RAB40A: variants seen among roughly 807,000 people sequenced by gnomAD.
RAB40A encodes RAB40A, member RAS oncogene family, also known as ras-related protein Rab-40A.
For synonymous variants in RAB40A, 65 were observed against 99.9 expected (o/e 0.65, Z 2.08); for missense variants, 145 against 230.2 (o/e 0.63, Z 2.40).
intron 2 of RAB40A, among the ~76,000 whole-genome samples, chrX:103,508,789 G>C (rs957573891): frequency 8.9e-6 from 1 of 111,960 alleles, no homozygotes; most frequent in Non-Finnish European, 1.9e-5. Flanking sequence ...AACTCACCTG[G>C]TGAGCTCCAT....
intron 2 of RAB40A, chrX:103,501,812 A>C (rs946977371): frequency 4.0e-5 from 5 of 123,650 alleles, no homozygotes; most frequent in Non-Finnish European, 7.5e-5. Context: ...AAAACCGAAA[A>C]AGAATTTTTT....
chrX:103,511,551 C>T, intron 2 of RAB40A, among the ~76,000 whole-genome samples: 1 of 109,465 alleles, frequency 9.1e-6, no homozygotes, highest in South Asian at 4.0e-4. Flanking sequence ...TTTGCAGGGA[C>T]ATGGATGAAG....
chrX:103,493,748 TG>T, the RAB40A span, among the ~76,000 whole-genome samples: 1 of 112,324 alleles, frequency 8.9e-6, no homozygotes, highest in Non-Finnish European at 1.9e-5. Context: ...TCCATGTTTT[TG>T]CAAATGACTG....
intron 2 of RAB40A, among the ~76,000 whole-genome samples, chrX:103,510,379 A>T (rs2073282852): frequency 8.9e-6 from 1 of 112,246 alleles, no homozygotes; most frequent in Non-Finnish European, 1.9e-5. Context: ...CACTCAGATC[A>T]TAACATATTT....
intron 2 of RAB40A, chrX:103,501,859 G>T (rs141359465): frequency 2.5e-5 from 3 of 120,362 alleles, no homozygotes; most frequent in African/African-American, 1.1e-4. Flanking sequence ...AAAGAAAAAG[G>T]CTCTGTGTGT....
chrX:103,513,935 G>T (rs2147593034), intron 2 of RAB40A, among the ~76,000 whole-genome samples: 1 of 111,049 alleles, frequency 9.0e-6, no homozygotes, highest in Admixed American at 9.6e-5. Flanking sequence ...TTGCAACATT[G>T]TTTTGGGCTG....
chrX:103,516,015 T>C (rs772932992), intron 2 of RAB40A, among the ~76,000 whole-genome samples: 7 of 112,025 alleles, frequency 6.2e-5, no homozygotes, highest in Non-Finnish European at 1.1e-4. Context: ...AGGGAAGCTC[T>C]CATATGGAAT....
intron 2 of RAB40A, among the ~76,000 whole-genome samples, chrX:103,505,826 T>G (rs1400399210): frequency 8.9e-6 from 1 of 111,935 alleles, no homozygotes; most frequent in Admixed American, 9.5e-5. Flanking sequence ...CTAGTGATTA[T>G]TTGCCACCCC....
At chrX:103,510,236 C>A (rs1224256927) in intron 2 of RAB40A, among the ~76,000 whole-genome samples, 2 of 112,162 alleles carry the variant, frequency 1.8e-5, no homozygotes, top group African/African-American at 3.2e-5. Flanking sequence ...TTGTCCCACT[C>A]CCTAACTGTG....
intron 1 of RAB40A, among the ~76,000 whole-genome samples, chrX:103,517,850 C>A (rs2073323924): frequency 9.0e-6 from 1 of 111,693 alleles, no homozygotes; most frequent in Admixed American, 9.6e-5. Flanking sequence ...GATTTCAATG[C>A]CGGTATAACA....
At position 103,499,888 on chromosome X, in the gene RAB40A, G is replaced by A; in HGVS notation, c.*35C>T. On this transcript the variant is annotated 3_prime_UTR_variant, in exon 3 of 3. Coordinates refer to ENST00000304236, the MANE Select transcript of RAB40A (RefSeq NM_080879.3). Reference sequence around the variant, plus strand: ...CCAGGTGTAACCAGAGTTTTTCCTGGAGCGATTCCAGCTTGTTTCCTTTTG... The same window carrying A: ...CCAGGTGTAACCAGAGTTTTTCCTGAAGCGATTCCAGCTTGTTTCCTTTTG... The A allele has an allele frequency of 8.3e-7, 1 of 1,199,356 alleles. No homozygotes were observed. The highest frequency in any genetic ancestry group is 3.0e-5 in the East Asian group (1 of 33,771).
intron 1 of RAB40A, among the ~76,000 whole-genome samples, chrX:103,518,628 T>C (rs1388367547): frequency 2.7e-5 from 3 of 111,755 alleles, no homozygotes; most frequent in Non-Finnish European, 5.6e-5. Flanking sequence ...TAATGACTAC[T>C]ATGGATTAAA....
At chrX:103,514,386 G>A (rs866159773) in intron 2 of RAB40A, among the ~76,000 whole-genome samples, 16 of 111,785 alleles carry the variant, frequency 1.4e-4, no homozygotes, top group African/African-American at 5.2e-4. Flanking sequence ...GTCTTACTCT[G>A]TCACCGAGGC....
chrX:103,500,305 G>T lies in RAB40A; in HGVS notation c.452C>A (p.Thr151Asn), dbSNP rs2073216717. Reference sequence around the variant, plus strand: ...GCACAGAGGGCTGACCTCAAAGAAGGTCACACCCAGGCGCTCGGCGTAGGC... The same window carrying T: ...GCACAGAGGGCTGACCTCAAAGAAGTTCACACCCAGGCGCTCGGCGTAGGC... ...AQAYAERLGV[T>N]FFEVSPLCNF... Residue 151 changes from threonine (T) to asparagine (N), a missense_variant, in exon 3 of 3, where the codon ACC becomes AAC. By Grantham distance (65) the Thr-to-Asn change is moderately conservative (BLOSUM62 0). Coordinates refer to ENST00000304236, the MANE Select transcript of RAB40A (RefSeq NM_080879.3). The T allele has an allele frequency of 8.3e-7, 1 of 1,210,468 alleles. No homozygotes were observed. The highest frequency in any genetic ancestry group is 1.7e-5 in the African/African-American group (1 of 57,358).
At chrX:103,495,746 C>T (rs1667194125), downstream of RAB40A, among the ~76,000 whole-genome samples, 2 of 111,894 alleles carry the variant, frequency 1.8e-5, no homozygotes. Flanking sequence ...GTTGTTTCCA[C>T]TCTTTGGCTA....
chrX:103,497,086 A>G (rs1300523259), downstream of RAB40A, among the ~76,000 whole-genome samples: 3 of 111,591 alleles, frequency 2.7e-5, no homozygotes, highest in African/African-American at 9.8e-5. Flanking sequence ...TTTGGTTGCA[A>G]TGGGAGAATA....
rs771522911 is a variant in RAB40A at position 103,511,703 on chromosome X, G to A, written c.-71+5671C>T. ...CACACACCGGGGCCTGTTAGGGGGT[G>A]GGGGCTAGGGGAGGGATAGCATTAG... On this transcript the variant is annotated intron_variant, in intron 2 of 2. Transcript: ENST00000304236. 9.1e-5 allele frequency among the ~76,000 whole-genome samples: 10 copies of A among 110,062 alleles called. No homozygotes were observed. In the East Asian group the frequency reaches 2.3e-3, roughly 25 times the overall value.
chrX:103,500,867 G>A (rs899295104), intron 2 of RAB40A, 41 bp from the exon 3 acceptor site: 1 of 1,102,675 alleles, frequency 9.1e-7, no homozygotes, highest in Non-Finnish European at 1.2e-6. Context: ...AATGAGATGG[G>A]GAAGTCTGTG....
At position 103,500,697 on chromosome X, in the gene RAB40A, C is replaced by T. The variant is rs753661067; in HGVS notation, c.60G>A (p.Val20=). The T allele has an allele frequency of 5.0e-6, 6 of 1,211,488 alleles. No homozygotes were observed. The highest frequency in any genetic ancestry group is 6.7e-6 in the Non-Finnish European group (6 of 895,443). ...CACTCTTGCCTACGTCCCTGTCGCC[C>T]ACCAGCAGGAACTTGAGCAGGAAGT... ...AYDFLLKFLL[V]GDRDVGKSEI... Residue 20 remains valine, a synonymous_variant, in exon 3 of 3, where the codon GTG becomes GTA. Coordinates refer to ENST00000304236, the MANE Select transcript of RAB40A (RefSeq NM_080879.3).
Sources: allele counts gnomAD v4.1 joint callset (sites outside exome capture counted in the v4.1 genomes callset), GRCh38; gene constraint gnomAD v4.1.1; transcripts MANE v1.5; gene names NCBI Gene and HGNC (gene_info 2026-07-23, HGNC 2026-07-21).